MYH10: variants seen among roughly 807,000 people sequenced by gnomAD.
The protein encoded by MYH10 is myosin heavy chain 10.
MYH10 carries 55 observed loss-of-function variants against 257.8 expected under a neutral mutation model. The observed-to-expected ratio is 0.21, with a 90% CI of 0.17 to 0.27. The LOEUF (loss-of-function observed/expected upper bound fraction) is 0.27. Among genes scored for constraint, MYH10 ranks in the 10% least tolerant of loss-of-function variants. The pLI is 1.00. For missense variants in MYH10, 1,631 were observed against 2,500.6 expected (o/e 0.65, Z 7.42); for synonymous variants, 854 against 921.7 (o/e 0.93, Z 1.33).
chr17:8,512,677 T>C lies in MYH10; in HGVS notation c.2746-20A>G. 2 of 1,600,196 alleles carry C rather than the reference T, an allele frequency of 1.2e-6. No individual in the cohort carries two copies. The highest frequency in any genetic ancestry group is 1.7e-6 in the Non-Finnish European group (2 of 1,172,876). ...TAAAAGCTGCAATCACAATAAAGTGTCTGTGATTTGCCCCTATTACATACG... is the reference window on the plus strand; with the variant it reads ...TAAAAGCTGCAATCACAATAAAGTGCCTGTGATTTGCCCCTATTACATACG... On this transcript the variant is annotated intron_variant, in intron 23 of 42. Transcript: ENST00000360416.
At chr17:8,515,467 A>G (rs145079853) in intron 21 of MYH10, among the ~76,000 whole-genome samples, 1 of 144,440 alleles carries the variant, frequency 6.9e-6, no homozygotes, top group African/African-American at 2.5e-5. Context: ...TTCATAACTG[A>G]TTTTATTCTT....
At chr17:8,488,257 A>G (rs1874215) in intron 35 of MYH10, among the ~76,000 whole-genome samples, 144,758 of 152,238 alleles carry the variant, frequency 0.95, 69,292 homozygotes, top group East Asian at 1. Context: ...CAGTGGGGAT[A>G]GGGAACTGTG....
chr17:8,559,001 A>G (rs2082897778), intron 7 of MYH10, among the ~76,000 whole-genome samples: 1 of 152,258 alleles, frequency 6.6e-6, no homozygotes, highest in African/African-American at 2.4e-5. Flanking sequence ...ATGAAATAAC[A>G]GTATTCTTTA....
At chr17:8,601,225 G>A (rs2084577919) in intron 3 of MYH10, among the ~76,000 whole-genome samples, 1 of 152,184 alleles carries the variant, frequency 6.6e-6, no homozygotes, top group Admixed American at 6.5e-5. Context: ...GGGCTGGTGA[G>A]GCATCAGGAA....
intron 2 of MYH10, among the ~76,000 whole-genome samples, chr17:8,609,566 A>ACCTC (rs1452711725): frequency 2.0e-5 from 3 of 152,226 alleles, no homozygotes; most frequent in Non-Finnish European, 4.4e-5. Context: ...AGTATAACAT[A>ACCTC]GAGTCTACGT....
At chr17:8,591,036 CT>C (rs2084117850) in intron 3 of MYH10, among the ~76,000 whole-genome samples, 1 of 151,954 alleles carries the variant, frequency 6.6e-6, no homozygotes, top group Non-Finnish European at 1.5e-5. Context: ...CCACGCCCGG[CT>C]AATTTTTTGT....
At chr17:8,567,982 T>A (rs75283027) in intron 7 of MYH10, among the ~76,000 whole-genome samples, 3,951 of 152,256 alleles carry the variant, frequency 0.026, 72 homozygotes, top group Admixed American at 0.034. Flanking sequence ...GGCGCCCAGA[T>A]GTCTGTGGTC....
At chr17:8,481,036 T>C (rs1451121020) in intron 38 of MYH10, among the ~76,000 whole-genome samples, 1 of 54,418 alleles carries the variant, frequency 1.8e-5, no homozygotes, top group Non-Finnish European at 4.3e-5. Flanking sequence ...AGCTGGAAAG[T>C]GAAGGCCTGC....
In MYH10 at chr17:8,504,962, T is replaced by G. The variant is rs2081026964; in HGVS notation, c.3387-56A>C. 1 of 1,477,372 alleles carries G rather than the reference T, an allele frequency of 6.8e-7. No homozygotes were observed. Among genetic ancestry groups the G allele is most frequent in the African/African-American group, 1.4e-5 (1 of 72,304 alleles). The allele number at this position is 1,477,372 out of a possible 1,614,324, so 91.5% of individuals were successfully genotyped here. A position where few individuals can be genotyped will look rare whatever the true frequency, so the allele number is the denominator to read the frequency against. On this transcript the variant is annotated intron_variant, in intron 27 of 42. Transcript: ENST00000360416. The surrounding 1 kb of genome is among the most constrained non-coding windows in gnomAD (Gnocchi z 5.6). ...CAGAGATGGCACCCGGATGGCCTGT[T>G]TCTCAGGCGAGCCCCAGCCCCTGAG... is the stretch of plus-strand genomic sequence containing the variant.
At chr17:8,541,348 A>G (rs1219422258) in intron 14 of MYH10, among the ~76,000 whole-genome samples, 3 of 152,246 alleles carry the variant, frequency 2.0e-5, no homozygotes, top group South Asian at 4.1e-4. Flanking sequence ...TACGTTACAG[A>G]TATCGGTGGT....
chr17:8,550,284 A>G (rs2082586648), intron 9 of MYH10, among the ~76,000 whole-genome samples: 1 of 150,862 alleles, frequency 6.6e-6, no homozygotes, highest in African/African-American at 2.5e-5. Context: ...GGAAGTGAGG[A>G]GCGTCTCTGC....
Position 8,576,653 on chromosome 17 carries a change from A to C in MYH10, c.653T>G (p.Val218Gly), listed in dbSNP as rs1304719631. 1.9e-6 allele frequency: 3 copies of C among 1,550,750 alleles called. No homozygotes were observed. The African/African-American group carries it at 4.1e-5, about 21-fold the overall frequency. The change falls in exon 6 of 43, where the codon GTG (valine) becomes GGG (glycine). Residue 218 changes from valine to glycine, a missense_variant. This residue lies in a region of MYH10 where 360 missense variants were observed against 581.9 expected (regional missense o/e 0.62). Transcript: ENST00000360416. The stretch of plus-strand genomic sequence containing the variant: ...AAGAAGAGCACTTGCCTGGTGTTTC[A>C]CTGGTTTAGGCGATTCCTGCTGTTC... The part of the protein sequence containing the change: ...HNIPQESPKP[V>G]KHQGELERQL...
chr17:8,575,259 T>C, intron 6 of MYH10, among the ~76,000 whole-genome samples: 1 of 128,960 alleles, frequency 7.8e-6, no homozygotes, highest in Non-Finnish European at 1.7e-5. Context: ...CGAAACAAAA[T>C]GTTAACAACA....
chr17:8,598,303 CTA>C (rs1245518285), intron 3 of MYH10, among the ~76,000 whole-genome samples: 1 of 152,146 alleles, frequency 6.6e-6, no homozygotes, highest in African/African-American at 2.4e-5. Context: ...TTATGGTGTT[CTA>C]TATACTCTTT....
chr17:8,549,381 A>G (rs998307963), intron 9 of MYH10, among the ~76,000 whole-genome samples: 3 of 152,256 alleles, frequency 2.0e-5, no homozygotes, highest in Admixed American at 6.5e-5. Context: ...CTATTGTAAC[A>G]GGTACCCGCA....
chr17:8,492,631 C>CTT (rs74648985), intron 33 of MYH10, 122 bp from the exon 34 acceptor site: 615 of 948,960 alleles, frequency 6.5e-4, no homozygotes, highest in South Asian at 9.1e-4. Flanking sequence ...CTTGTATTTC[C>CTT]TTTTTTTTTT....
chr17:8,490,616 CT>C lies in MYH10; in HGVS notation c.4672-65del. On this transcript the variant is annotated intron_variant, in intron 34 of 42. Coordinates refer to ENST00000360416, the MANE Select transcript of MYH10 (RefSeq NM_001256012.3). This position sits in a 1 kb window ranked among gnomAD's most constrained non-coding sequence, Gnocchi z 4.1. ...GGAGGCACATATGAAGAACAGCAGT[CT>C]TACTGTTTTACAGGCCCACTCGTGG... The C allele has an allele frequency of 6.5e-7, 1 of 1,542,680 alleles. No homozygotes were observed. Among genetic ancestry groups the C allele is most frequent in the Non-Finnish European group, 8.9e-7 (1 of 1,117,384 alleles).
intron 4 of MYH10, among the ~76,000 whole-genome samples, chr17:8,587,206 A>G (rs916943437): frequency 2.0e-5 from 3 of 152,164 alleles, no homozygotes; most frequent in Non-Finnish European, 4.4e-5. Context: ...TGAGCCTCCA[A>G]TAAGAAAGCT....
At chr17:8,613,692 G>A (rs560778034) in intron 2 of MYH10, among the ~76,000 whole-genome samples, 56 of 152,250 alleles carry the variant, frequency 3.7e-4, no homozygotes, top group African/African-American at 1.3e-3. Context: ...AGAAAGCAAT[G>A]AATCAGAGGA....
Sources: gnomAD v4.1 joint callset for allele counts (sites outside exome capture counted in the v4.1 genomes callset) on GRCh38, gnomAD v4.1.1 for gene constraint, gnomAD v4.1.1 regional missense constraint, Gnocchi (gnomAD v3.1) non-coding constraint, MANE v1.5 for transcripts, NCBI Gene and HGNC (gene_info 2026-07-23, HGNC 2026-07-21) for gene names.